Variants in CNTN5 observed in about 807,000 individuals in gnomAD.
CNTN5 encodes the protein contactin 5.
Under a neutral mutation model 129.1 loss-of-function variants are expected in CNTN5, and 77 were observed. The ratio of observed to expected loss-of-function variants is 0.60; its 90% confidence interval spans 0.50 to 0.72. CNTN5 has a LOEUF of 0.72. Among genes scored for constraint, CNTN5 ranks in the 30% least tolerant of loss-of-function variants. CNTN5 has a pLI of 0.00. For missense variants in CNTN5, 1,478 were observed against 1,328.8 expected (o/e 1.11, Z -1.75); for synonymous variants, 509 against 465.6 (o/e 1.09, Z -1.20).
intron 20 of CNTN5, among the ~76,000 whole-genome samples, chr11:100,306,036 G>A (rs1951341172): frequency 6.6e-6 from 1 of 151,170 alleles, no homozygotes; most frequent in African/African-American, 2.4e-5. Context: ...AGCTGTCCTG[G>A]GCCAAGGCTG....
intron 2 of CNTN5, among the ~76,000 whole-genome samples, chr11:99,444,768 G>T (rs1591068675): frequency 1.3e-5 from 2 of 151,500 alleles, no homozygotes; most frequent in Admixed American, 6.6e-5. Flanking sequence ...CAAATATATT[G>T]CCTAACTAGC....
chr11:99,872,626 C>A (rs1169322335), intron 6 of CNTN5, among the ~76,000 whole-genome samples: 1 of 152,094 alleles, frequency 6.6e-6, no homozygotes, highest in Admixed American at 6.6e-5. Context: ...GTTTGCAAGA[C>A]AGCAGAGGTG....
chr11:100,000,074 G>C lies in CNTN5; in HGVS notation c.878-1960G>C, dbSNP rs1360102821. ...CTAATGCTAAATGATGAGTTAATGG[G>C]TGCAGCACACCAGCATGGCACATGT... On this transcript the variant is annotated intron_variant, in intron 8 of 24. Coordinates refer to ENST00000524871, the MANE Select transcript of CNTN5 (RefSeq NM_014361.4). 2.0e-5 allele frequency among the ~76,000 whole-genome samples: 3 copies of C among 151,546 alleles called. No homozygotes were observed. In the East Asian group the frequency reaches 5.8e-4, roughly 29 times the overall value.
chr11:99,141,393 A>G (rs529132717), intron 1 of CNTN5, among the ~76,000 whole-genome samples: 132 of 151,478 alleles, frequency 8.7e-4, no homozygotes, highest in African/African-American at 3.1e-3. Flanking sequence ...CATTTTGTTT[A>G]TTTGGATCTT....
chr11:100,257,267 A>G (rs930002054), intron 17 of CNTN5, among the ~76,000 whole-genome samples: 5 of 152,176 alleles, frequency 3.3e-5, no homozygotes, highest in African/African-American at 1.2e-4. Context: ...CATCTCTGAA[A>G]GAAAGACAAC....
At position 99,881,389 on chromosome 11, in the gene CNTN5, T is replaced by A. The variant is rs562588401; in HGVS notation, c.578-34665T>A. The stretch of plus-strand genomic sequence containing the variant: ...AACGGAGAATGTTTTTAGTTCCTTA[T>A]GAAATGATTTATGTAAGTGATATTT... On this transcript the variant is annotated intron_variant, in intron 6 of 24. Coordinates refer to ENST00000524871, the MANE Select transcript of CNTN5 (RefSeq NM_014361.4). 1.4e-4 allele frequency among the ~76,000 whole-genome samples: 21 copies of A among 152,358 alleles called. No homozygotes were observed. The South Asian group carries it at 4.3e-3, about 32-fold the overall frequency.
chr11:99,925,509 T>C (rs1182385060), intron 7 of CNTN5, among the ~76,000 whole-genome samples: 2 of 152,144 alleles, frequency 1.3e-5, no homozygotes, highest in Non-Finnish European at 2.9e-5. Context: ...CAAAATGCAA[T>C]GGACACTGAA....
At chr11:99,511,429 C>T (rs1368048261) in intron 2 of CNTN5, among the ~76,000 whole-genome samples, 2 of 152,014 alleles carry the variant, frequency 1.3e-5, no homozygotes, top group Non-Finnish European at 1.5e-5. Context: ...AATTTCTGTT[C>T]TTTTACATTT....
At chr11:99,965,353 A>G (rs571803146) in intron 8 of CNTN5, among the ~76,000 whole-genome samples, 6 of 147,448 alleles carry the variant, frequency 4.1e-5, no homozygotes, top group African/African-American at 1.6e-4. Flanking sequence ...AGATTCTGGT[A>G]TTTGTGTCTT....
chr11:100,181,227 A>G (rs562665522), intron 13 of CNTN5, among the ~76,000 whole-genome samples: 93 of 152,162 alleles, frequency 6.1e-4, no homozygotes, highest in Non-Finnish European at 3.4e-4. Context: ...TAGCAATAAA[A>G]GGAAATAAAC....
intron 1 of CNTN5, among the ~76,000 whole-genome samples, chr11:99,253,297 A>T (rs1175171247): frequency 6.6e-6 from 1 of 152,104 alleles, no homozygotes; most frequent in Non-Finnish European, 1.5e-5. Context: ...AGGCCTCCTC[A>T]GCCATATGAA....
At chr11:100,102,956 A>G (rs971968553) in intron 13 of CNTN5, among the ~76,000 whole-genome samples, 6 of 152,170 alleles carry the variant, frequency 3.9e-5, no homozygotes, top group African/African-American at 1.2e-4. Flanking sequence ...CAATATGAGA[A>G]TTCCTCCTAC....
At chr11:99,512,725 G>A (rs1946887046) in intron 2 of CNTN5, among the ~76,000 whole-genome samples, 1 of 151,870 alleles carries the variant, frequency 6.6e-6, no homozygotes, top group Non-Finnish European at 1.5e-5. Flanking sequence ...ATTGTTTTGG[G>A]GTGCCACAAA....
At chr11:99,315,593 T>A (rs1409335518) in intron 1 of CNTN5, among the ~76,000 whole-genome samples, 1 of 149,762 alleles carries the variant, frequency 6.7e-6, no homozygotes, top group Non-Finnish European at 1.5e-5. Flanking sequence ...CATTACTTTA[T>A]ATTTTGTGTT....
At chr11:100,135,298 C>T (rs1484935484) in intron 13 of CNTN5, among the ~76,000 whole-genome samples, 2 of 151,534 alleles carry the variant, frequency 1.3e-5, no homozygotes, top group Admixed American at 6.6e-5. Context: ...GCCTCAGCCT[C>T]CCAAGTAGCT....
intron 1 of CNTN5, among the ~76,000 whole-genome samples, chr11:99,183,159 C>A (rs1340786826): frequency 6.6e-6 from 1 of 152,110 alleles, no homozygotes; most frequent in Non-Finnish European, 1.5e-5. Context: ...CTACTGGAAA[C>A]TAACCTTTCA....
chr11:99,705,404 A>G (rs1954711546), intron 3 of CNTN5, among the ~76,000 whole-genome samples: 1 of 151,234 alleles, frequency 6.6e-6, no homozygotes. Flanking sequence ...CCCTTTTCCT[A>G]CAGAAAAGAC....
intron 3 of CNTN5, among the ~76,000 whole-genome samples, chr11:99,692,469 TTTA>T (rs1438291964): frequency 6.6e-6 from 1 of 152,124 alleles, no homozygotes; most frequent in Non-Finnish European, 1.5e-5. Flanking sequence ...GAAAAAGGAC[TTTA>T]TTTCTCCTTC....
At chr11:100,053,185 G>T (rs1334353296) in intron 9 of CNTN5, among the ~76,000 whole-genome samples, 3 of 151,218 alleles carry the variant, frequency 2.0e-5, no homozygotes, top group Non-Finnish European at 4.4e-5. Flanking sequence ...TTACTTTCTG[G>T]AGTCAGAAAA....
Sources: allele counts gnomAD v4.1 joint callset (sites outside exome capture counted in the v4.1 genomes callset), GRCh38; gene constraint gnomAD v4.1.1; transcripts MANE v1.5; gene names NCBI Gene and HGNC (gene_info 2026-07-23, HGNC 2026-07-21).